TFDP2: variants seen among roughly 807,000 people sequenced by gnomAD.
The protein encoded by TFDP2 is transcription factor Dp-2 (E2F dimerization partner 2).
In TFDP2, 17 loss-of-function variants were observed where a neutral mutation model predicts 59.3. The observed-to-expected ratio is 0.29, with a 90% CI of 0.20 to 0.43. The LOEUF (loss-of-function observed/expected upper bound fraction) is 0.43, where lower values mean the gene tolerates loss of function less well. Among genes scored for constraint, TFDP2 ranks in the 20% least tolerant of loss-of-function variants. The pLI, the probability that TFDP2 is intolerant of heterozygous loss-of-function variation, is 1.00. For missense variants in TFDP2, 391 were observed against 528.8 expected (o/e 0.74, Z 2.56); for synonymous variants, 180 against 194.7 (o/e 0.92, Z 0.63).
chr3:142,128,212 A>C (rs542930825), intron 1 of TFDP2, among the ~76,000 whole-genome samples: 4 of 152,322 alleles, frequency 2.6e-5, no homozygotes, highest in Admixed American at 6.5e-5. Flanking sequence ...AAAAGAAAGA[A>C]AGACAGAAAA....
chr3:141,995,883 CAAAAAAAAAAAAA>C (rs146557075), intron 4 of TFDP2, among the ~76,000 whole-genome samples: 13 of 67,948 alleles, frequency 1.9e-4, no homozygotes, highest in East Asian at 8.6e-4. Flanking sequence ...AACTCCATTT[CAAAAAAAAAAAAA>C]AAAAAAAAAA....
At chr3:142,049,763 C>T (rs1309586189) in intron 3 of TFDP2, among the ~76,000 whole-genome samples, 1 of 151,992 alleles carries the variant, frequency 6.6e-6, no homozygotes, top group Non-Finnish European at 1.5e-5. Flanking sequence ...GCAACAAGGT[C>T]AATATACAAA....
chr3:142,147,989 G>C (rs2063231900), intron 1 of TFDP2, among the ~76,000 whole-genome samples: 1 of 151,876 alleles, frequency 6.6e-6, no homozygotes, highest in South Asian at 2.1e-4. Flanking sequence ...TACTTTTAAA[G>C]AGAGACAGGG....
chr3:142,120,027 G>A (rs979898964), intron 1 of TFDP2, among the ~76,000 whole-genome samples: 1 of 151,862 alleles, frequency 6.6e-6, no homozygotes, highest in Non-Finnish European at 1.5e-5. Context: ...TCCAGCCTGG[G>A]CGACAGAGCA....
chr3:141,959,048 G>A (rs1384539953), intron 11 of TFDP2, among the ~76,000 whole-genome samples: 1 of 149,366 alleles, frequency 6.7e-6, no homozygotes, highest in Non-Finnish European at 1.5e-5. Flanking sequence ...CACCTCCCAG[G>A]TTCAAGTGAT....
chr3:142,047,166 C>A (rs994484854), intron 3 of TFDP2, among the ~76,000 whole-genome samples: 4 of 152,182 alleles, frequency 2.6e-5, no homozygotes, highest in Admixed American at 2.6e-4. Flanking sequence ...GAAGTTTAAA[C>A]TGAAGCACTG....
chr3:142,083,090 G>T (rs2108588202), intron 3 of TFDP2, among the ~76,000 whole-genome samples: 1 of 152,234 alleles, frequency 6.6e-6, no homozygotes, highest in East Asian at 1.9e-4. Flanking sequence ...ATCCCTGTTT[G>T]CAGATAATAT....
At chr3:142,083,491 T>C (rs1390695163) in intron 3 of TFDP2, among the ~76,000 whole-genome samples, 2 of 152,036 alleles carry the variant, frequency 1.3e-5, no homozygotes, top group African/African-American at 4.8e-5. Context: ...TTCACAGAAA[T>C]AGAAAAAACA....
chr3:141,984,564 G>A (rs112767311), intron 6 of TFDP2, among the ~76,000 whole-genome samples: 2 of 152,306 alleles, frequency 1.3e-5, no homozygotes, highest in African/African-American at 2.4e-5. Flanking sequence ...ATCATAGAAA[G>A]TAGAACAGAG....
intron 3 of TFDP2, chr3:142,043,775 C>A: frequency 6.3e-7 from 1 of 1,594,202 alleles, no homozygotes; most frequent in Admixed American, 1.7e-5. Flanking sequence ...GCCTTGTCTG[C>A]CTTCAGCTTG....
At chr3:142,046,961 T>C (rs1216966688) in intron 3 of TFDP2, among the ~76,000 whole-genome samples, 1 of 152,208 alleles carries the variant, frequency 6.6e-6, no homozygotes, top group African/African-American at 2.4e-5. Flanking sequence ...GAAAAGCAGA[T>C]AAGTGGAAGC....
intron 3 of TFDP2, among the ~76,000 whole-genome samples, chr3:142,089,152 T>C (rs778276082): frequency 7.9e-5 from 12 of 152,012 alleles, no homozygotes; most frequent in African/African-American, 1.2e-4. Flanking sequence ...TTAACCTCAA[T>C]TGAGTTCAGT....
intron 6 of TFDP2, among the ~76,000 whole-genome samples, chr3:141,979,008 C>G (rs1159520689): frequency 6.6e-6 from 1 of 152,196 alleles, no homozygotes; most frequent in African/African-American, 2.4e-5. Flanking sequence ...CCTTGTACAG[C>G]TAACAGACTT....
At chr3:142,089,078 C>G (rs1011036202) in intron 3 of TFDP2, among the ~76,000 whole-genome samples, 23 of 152,066 alleles carry the variant, frequency 1.5e-4, no homozygotes, top group Non-Finnish European at 2.9e-4. Context: ...TTCCACCCCC[C>G]TCAGCCTCTC....
intron 3 of TFDP2, among the ~76,000 whole-genome samples, chr3:142,077,417 C>T (rs2060496539): frequency 6.6e-6 from 1 of 152,090 alleles, no homozygotes; most frequent in Non-Finnish European, 1.5e-5. Context: ...CTGAAAAAGA[C>T]ACTCCTTCTT....
chr3:142,054,315 A>G (rs2059666663), intron 3 of TFDP2, among the ~76,000 whole-genome samples: 1 of 152,244 alleles, frequency 6.6e-6, no homozygotes, highest in East Asian at 1.9e-4. Context: ...CAGTAATAGA[A>G]AAGAACTACT....
chr3:142,025,210 T>C (rs573447957), intron 3 of TFDP2, among the ~76,000 whole-genome samples: 21 of 152,280 alleles, frequency 1.4e-4, no homozygotes, highest in Admixed American at 1.2e-3. Flanking sequence ...TGGTTTCTCA[T>C]AGAGTATAAA....
chr3:142,003,451 C>CTT (rs1384962775), intron 4 of TFDP2, among the ~76,000 whole-genome samples: 2 of 152,136 alleles, frequency 1.3e-5, no homozygotes, highest in Non-Finnish European at 1.5e-5. Flanking sequence ...TATAAGGTCA[C>CTT]TAATCCCCTC....
intron 4 of TFDP2, chr3:141,995,351 T>TCA (rs1309551901): frequency 2.0e-5 from 8 of 392,558 alleles, no homozygotes; most frequent in African/African-American, 8.2e-5. Flanking sequence ...TGACATGAGG[T>TCA]CACAATGCAG....
Sources: allele counts gnomAD v4.1 joint callset (sites outside exome capture counted in the v4.1 genomes callset), GRCh38; gene constraint gnomAD v4.1.1; transcripts MANE v1.5; gene names NCBI Gene and HGNC (gene_info 2026-07-23, HGNC 2026-07-21).